Variants in CDHR3 observed in about 807,000 individuals in gnomAD.
CDHR3 encodes the protein cadherin related family member 3.
Under a neutral mutation model 86.6 loss-of-function variants are expected in CDHR3, and 79 were observed. The ratio of observed to expected loss-of-function variants is 0.91; its 90% CI spans 0.76 to 1.10. CDHR3 has a LOEUF of 1.10. Ranked by LOEUF, CDHR3 falls within the 50% of genes least tolerant of loss-of-function variation. The pLI is 0.00. For synonymous variants in CDHR3, 421 were observed against 402.4 expected (o/e 1.05, Z -0.55); for missense variants, 1,081 against 1,077.6 (o/e 1.00, Z -0.04).
chr7:106,003,325 A>G (rs1833482978), intron 7 of CDHR3, among the ~76,000 whole-genome samples: 1 of 152,170 alleles, frequency 6.6e-6, no homozygotes, highest in Non-Finnish European at 1.5e-5. Context: ...TCAATCTGCC[A>G]GACTGATGGG....
chr7:106,016,793 A>G (rs1472573104), intron 11 of CDHR3, among the ~76,000 whole-genome samples: 1 of 152,282 alleles, frequency 6.6e-6, no homozygotes, highest in Admixed American at 6.5e-5. Flanking sequence ...GCAAGTCCAA[A>G]GAAAATGCTT....
chr7:106,020,923 A>C (rs1284903285), intron 13 of CDHR3, among the ~76,000 whole-genome samples: 2 of 152,156 alleles, frequency 1.3e-5, no homozygotes, highest in African/African-American at 4.8e-5. Flanking sequence ...AAGGCCCAAG[A>C]AAAGGGTGAA....
chr7:105,997,498 G>A (rs1047733471), intron 6 of CDHR3, among the ~76,000 whole-genome samples: 10 of 152,214 alleles, frequency 6.6e-5, no homozygotes, highest in Non-Finnish European at 1.0e-4. Flanking sequence ...GGGCTGACAG[G>A]TGGCTCCTGG....
chr7:105,972,101 A>G (rs1828070256), intron 1 of CDHR3, among the ~76,000 whole-genome samples: 1 of 152,168 alleles, frequency 6.6e-6, no homozygotes, highest in Admixed American at 6.5e-5. Context: ...CCTGAGTGGT[A>G]TAATCTCAGA....
At position 106,020,563 on chromosome 7, in the gene CDHR3, A is replaced by G. The variant is rs1836409721; in HGVS notation, c.1825+19A>G. On this transcript the variant is annotated intron_variant, in intron 13 of 18. Transcript: ENST00000317716. ...GGCCCAGGTATAGTACTTGGTGTCG[A>G]CAATCCTGGCCCTGTCTCTGAGGAC... The G allele has an allele frequency of 6.2e-7, 1 of 1,604,372 alleles. No individual in the cohort carries two copies. The highest frequency in any genetic ancestry group is 2.2e-5 in the East Asian group (1 of 44,756).
rs757955102 is a variant in CDHR3 at position 105,996,284 on chromosome 7, G to A, written c.643G>A (p.Gly215Ser). The A allele has an allele frequency of 1.3e-6, 2 of 1,599,150 alleles. No individual in the cohort carries two copies. Among genetic ancestry groups the A allele is most frequent in the Non-Finnish European group, 1.7e-6 (2 of 1,167,836 alleles). The change falls in exon 6 of 19, where the codon GGC (glycine) becomes AGC (serine). Residue 215 changes from glycine (G) to serine (S), a missense_variant. Coordinates refer to ENST00000317716, the MANE Select transcript of CDHR3 (RefSeq NM_152750.5). ...CATCGTGGAGGTGAGGGACAGTGGA[G>A]GCCTCAAAGCCTCCACAGAGCTCCA... is the stretch of plus-strand genomic sequence containing the variant. ...HLIVEVRDSGGLKASTELQVN... is the reference protein window; with the variant it reads ...HLIVEVRDSGSLKASTELQVN...
chr7:105,964,237 T>C (rs1826511678), intron 1 of CDHR3, among the ~76,000 whole-genome samples: 1 of 152,212 alleles, frequency 6.6e-6, no homozygotes, highest in Non-Finnish European at 1.5e-5. Context: ...ATTCTTATTA[T>C]GGTTATTTCT....
At chr7:105,969,168 G>A (rs1200876858) in intron 1 of CDHR3, among the ~76,000 whole-genome samples, 3 of 150,532 alleles carry the variant, frequency 2.0e-5, no homozygotes, top group Non-Finnish European at 3.0e-5. Context: ...AGGCCGAGGC[G>A]GGCGGATCAC....
Position 105,996,260 on chromosome 7 carries a change from A to G in CDHR3, c.619A>G (p.Ile207Val), listed in dbSNP as rs1323350715. Residue 207 changes from isoleucine to valine, a missense_variant, in exon 6 of 19, where the codon ATC becomes GTC. Coordinates refer to ENST00000317716, the MANE Select transcript of CDHR3 (RefSeq NM_152750.5). ...FEAGHRSFHL[I>V]VEVRDSGGLK... ...ATGTTTCCCTGGCAGTTTCCATCTC[A>G]TCGTGGAGGTGAGGGACAGTGGAGG... 1.5e-5 allele frequency: 23 copies of G among 1,577,734 alleles called. No homozygotes were observed. Among genetic ancestry groups the G allele is most frequent in the Admixed American group, 6.7e-5 (4 of 59,486 alleles).
intron 3 of CDHR3, among the ~76,000 whole-genome samples, chr7:105,983,025 TC>T (rs1434767962): frequency 6.6e-6 from 1 of 151,618 alleles, no homozygotes; most frequent in South Asian, 2.1e-4. Flanking sequence ...GTCATGTCCT[TC>T]CCCGCTACAG....
intron 18 of CDHR3, among the ~76,000 whole-genome samples, chr7:106,031,810 A>C (rs931229769): frequency 1.2e-4 from 18 of 152,134 alleles, no homozygotes; most frequent in Non-Finnish European, 2.6e-4. Flanking sequence ...AAAAAAAAGA[A>C]AGACATGAGC....
intron 17 of CDHR3, 108 bp downstream of exon 17, chr7:106,028,690 G>C: frequency 8.2e-7 from 1 of 1,220,184 alleles, no homozygotes; most frequent in Non-Finnish European, 1.2e-6. Flanking sequence ...TTATCATTCA[G>C]GGAGGTGCTT....
chr7:106,035,423 CA>C lies in CDHR3; in HGVS notation c.*2727del. ...CGGGGAAATCCAGAAGTCAAAGTGT[CA>C]CCGGTGGAGGGTCTTGACTGCAAGT... On this transcript the variant is annotated 3_prime_UTR_variant, in exon 19 of 19. Coordinates refer to ENST00000317716, the MANE Select transcript of CDHR3 (RefSeq NM_152750.5). Among the ~76,000 whole-genome samples the C allele has an allele frequency of 6.6e-6, 1 of 152,196 alleles. No homozygotes were observed. Among genetic ancestry groups the C allele is most frequent in the Non-Finnish European group, 1.5e-5 (1 of 68,050 alleles).
chr7:106,020,254 T>A (rs1210449085), intron 12 of CDHR3, 119 bp from the exon 13 acceptor site: 1 of 797,012 alleles, frequency 1.3e-6, no homozygotes, highest in Non-Finnish European at 2.0e-6. Flanking sequence ...ATGTTAGCTA[T>A]CTCATGTGAG....
rs968534661 is a variant in CDHR3, at chr7:106,022,403, T to C, written c.2031T>C (p.Ile677=). The change falls in exon 14 of 19, where the codon ATT becomes ATC. Residue 677 remains isoleucine (I), a synonymous_variant. Transcript: ENST00000317716. ...AGACAGGAACAGTGACACTGAGTATTAAAGTCATTCCCCACCCAACCACTA... is the reference window on the plus strand; with the variant it reads ...AGACAGGAACAGTGACACTGAGTATCAAAGTCATTCCCCACCCAACCACTA... The part of the protein sequence containing the change: ...LVETGTVTLS[I]KVIPHPTTII... 6.2e-7 allele frequency: 1 copy of C among 1,614,034 alleles called. No homozygotes were observed. Among genetic ancestry groups the C allele is most frequent in the African/African-American group, 1.3e-5 (1 of 75,052 alleles).
At chr7:105,988,583 T>C (rs1173229245) in intron 4 of CDHR3, among the ~76,000 whole-genome samples, 2 of 152,204 alleles carry the variant, frequency 1.3e-5, no homozygotes, top group African/African-American at 2.4e-5. Context: ...TCCAGCTTAA[T>C]AAAGTGAAAC....
chr7:105,963,332 T>C lies in CDHR3; in HGVS notation c.14T>C (p.Ile5Thr), dbSNP rs1826324132. The change falls in exon 1 of 19, where the codon ATC (isoleucine) becomes ACC (threonine). Residue 5 changes from isoleucine to threonine, a missense_variant. Transcript: ENST00000317716. The part of the protein sequence containing the change: MQEA[I>T]ILLALLGAMS... ...TGACCATCAAGTATGCAGGAAGCAA[T>C]CATTCTCCTGGCTCTCCTGGGTGCC... 1 of 1,613,900 alleles carries C rather than the reference T, an allele frequency of 6.2e-7. No homozygotes were observed. The highest frequency in any genetic ancestry group is 1.7e-5 in the Admixed American group (1 of 60,008).
At position 106,032,905 on chromosome 7, in the gene CDHR3, T is replaced by A; in HGVS notation, c.*208T>A. On this transcript the variant is annotated 3_prime_UTR_variant, in exon 19 of 19. Transcript: ENST00000317716. ...CGTGTTCTGAAATGATACAGGAACA[T>A]TTTCTATCAGATTTCAGAACTACCT... 1.8e-6 allele frequency: 1 copy of A among 550,270 alleles called. No homozygotes were observed. The highest frequency in any genetic ancestry group is 2.9e-5 in the East Asian group (1 of 34,854). The allele number at this position is 550,270 out of a possible 1,614,324, so 34.1% of individuals were successfully genotyped here.
chr7:105,986,416 G>A (rs1231243149), intron 4 of CDHR3, among the ~76,000 whole-genome samples: 1 of 152,198 alleles, frequency 6.6e-6, no homozygotes, highest in Non-Finnish European at 1.5e-5. Flanking sequence ...AAACTGAATG[G>A]CAGACATTCA....
Sources: allele counts gnomAD v4.1 joint callset (sites outside exome capture counted in the v4.1 genomes callset), GRCh38; gene constraint gnomAD v4.1.1; transcripts MANE v1.5; gene names NCBI Gene and HGNC (gene_info 2026-07-23, HGNC 2026-07-21).